Variants in NDUFS4 observed in about 807,000 individuals in gnomAD.
NDUFS4 encodes the protein NADH:ubiquinone oxidoreductase subunit S4, also known as NADH dehydrogenase [ubiquinone] iron-sulfur protein 4, mitochondrial.
Under a neutral mutation model 24.3 loss-of-function variants are expected in NDUFS4, and 28 were observed. The observed-to-expected ratio is 1.15, with a 90% CI of 0.85 to 1.58. NDUFS4 has a LOEUF of 1.58. Ranked by LOEUF, NDUFS4 falls within the 40% of genes most tolerant of loss-of-function variation. The pLI is 0.00. For synonymous variants in NDUFS4, 93 were observed against 69.7 expected (o/e 1.34, Z -1.67); for missense variants, 223 against 207.9 (o/e 1.07, Z -0.45).
intron 2 of NDUFS4, among the ~76,000 whole-genome samples, chr5:53,644,919 G>GTCAA (rs1399785381): frequency 6.6e-6 from 1 of 152,048 alleles, no homozygotes; most frequent in Non-Finnish European, 1.5e-5. Context: ...AGAGATAATA[G>GTCAA]TCAAGTCAGA....
At chr5:53,581,271 ACT>A (rs1749560246) in intron 1 of NDUFS4, among the ~76,000 whole-genome samples, 2 of 151,904 alleles carry the variant, frequency 1.3e-5, no homozygotes, top group Admixed American at 6.6e-5. Context: ...CATTTTCCTA[ACT>A]CTGAATCAAT....
At chr5:53,629,558 T>A (rs755817054) in intron 2 of NDUFS4, among the ~76,000 whole-genome samples, 1 of 152,216 alleles carries the variant, frequency 6.6e-6, no homozygotes, top group Non-Finnish European at 1.5e-5. Flanking sequence ...TGAATCTGGG[T>A]GCTCCTGTAT....
At chr5:53,635,234 A>G (rs1324560285) in intron 2 of NDUFS4, among the ~76,000 whole-genome samples, 2 of 151,244 alleles carry the variant, frequency 1.3e-5, no homozygotes, top group Non-Finnish European at 2.9e-5. Context: ...CAACCAAAAA[A>G]TCCATCCAGA....
At chr5:53,655,646 C>G (rs1228171350) in intron 3 of NDUFS4, among the ~76,000 whole-genome samples, 1 of 152,062 alleles carries the variant, frequency 6.6e-6, no homozygotes, top group African/African-American at 2.4e-5. Context: ...TAACAATAAT[C>G]TATTAATTAT....
chr5:53,563,236 C>CAAA (rs906204561), intron 1 of NDUFS4, among the ~76,000 whole-genome samples: 37 of 105,084 alleles, frequency 3.5e-4, no homozygotes, highest in Admixed American at 4.4e-4. Context: ...CTCAAAAAAA[C>CAAA]AAAAAAAAAA....
chr5:53,656,758 T>A (rs1246034947), intron 3 of NDUFS4, among the ~76,000 whole-genome samples: 1 of 151,776 alleles, frequency 6.6e-6, no homozygotes, highest in Non-Finnish European at 1.5e-5. Context: ...GGGCAGAGAG[T>A]GAGTTTGGGA....
intron 3 of NDUFS4, among the ~76,000 whole-genome samples, chr5:53,653,940 G>A (rs1018905773): frequency 1.3e-5 from 2 of 151,970 alleles, no homozygotes; most frequent in Admixed American, 6.6e-5. Flanking sequence ...TGTCTCTTTA[G>A]TTGTCATGGT....
intron 1 of NDUFS4, chr5:53,573,504 T>G (rs1749283442): frequency 2.3e-6 from 1 of 426,504 alleles, no homozygotes; most frequent in Admixed American, 2.7e-5. Flanking sequence ...GTGCAGATCC[T>G]GTATATGTTT....
At position 53,565,997 on chromosome 5, in the gene NDUFS4, C is replaced by T. The variant is rs148544860; in HGVS notation, c.98+5237C>T. On this transcript the variant is annotated intron_variant, in intron 1 of 4. Coordinates refer to ENST00000296684, the MANE Select transcript of NDUFS4 (RefSeq NM_002495.4). The stretch of plus-strand genomic sequence containing the variant: ...GACCAGCCTGGCCAACATGGTGAAA[C>T]CCCGTCTCCACTAAAAAATACAATA... 9.1e-3 allele frequency among the ~76,000 whole-genome samples: 1,384 copies of T among 151,950 alleles called. 17 individuals carry two copies. The highest frequency in any genetic ancestry group is 0.032 in the African/African-American group (1,310 of 41,426).
chr5:53,581,752 T>G (rs1359015139), intron 1 of NDUFS4, among the ~76,000 whole-genome samples: 2 of 152,100 alleles, frequency 1.3e-5, no homozygotes, highest in East Asian at 3.9e-4. Context: ...GTCTTAGAGC[T>G]CCCTCTCTTA....
intron 2 of NDUFS4, among the ~76,000 whole-genome samples, chr5:53,641,192 A>G (rs1318020787): frequency 1.3e-5 from 2 of 152,146 alleles, no homozygotes; most frequent in East Asian, 1.9e-4. Flanking sequence ...AACTGATTTC[A>G]TACATGATGA....
At position 53,574,298 on chromosome 5, in the gene NDUFS4, ATG is replaced by A. The variant is rs377218029; in HGVS notation, c.98+13542_98+13543del. ...TGCTAACAGTTTTCATCAAGAATGG[ATG>A]TGTCTAATGCCTTTTATGCATCAAT... On this transcript the variant is annotated intron_variant, in intron 1 of 4. Transcript: ENST00000296684. 8.1e-4 allele frequency among the ~76,000 whole-genome samples: 123 copies of A among 152,252 alleles called. 1 individual carries two copies. The East Asian group carries it at 0.019, about 24-fold the overall frequency.
At chr5:53,580,838 T>G (rs1448578041) in intron 1 of NDUFS4, among the ~76,000 whole-genome samples, 1 of 151,664 alleles carries the variant, frequency 6.6e-6, no homozygotes, top group African/African-American at 2.4e-5. Context: ...TTCTTTTCTT[T>G]CCTTCTTTCT....
At chr5:53,599,915 C>T (rs986159800) in intron 1 of NDUFS4, among the ~76,000 whole-genome samples, 4 of 152,020 alleles carry the variant, frequency 2.6e-5, no homozygotes, top group Non-Finnish European at 5.9e-5. Flanking sequence ...AATCAACAAA[C>T]AGATATTTAC....
At chr5:53,672,213 A>ATATC (rs1397153972) in intron 4 of NDUFS4, among the ~76,000 whole-genome samples, 10 of 151,956 alleles carry the variant, frequency 6.6e-5, no homozygotes, top group Admixed American at 4.6e-4. Context: ...TCACATCCAT[A>ATATC]TATCTTTTAA....
chr5:53,591,381 T>TAA (rs1749950011), intron 1 of NDUFS4, among the ~76,000 whole-genome samples: 1 of 149,366 alleles, frequency 6.7e-6, no homozygotes, highest in African/African-American at 2.5e-5. Context: ...TGTGTCATTT[T>TAA]ACATTCCCAC....
At chr5:53,664,826 C>T (rs1168779585) in intron 4 of NDUFS4, among the ~76,000 whole-genome samples, 2 of 152,220 alleles carry the variant, frequency 1.3e-5, no homozygotes, top group African/African-American at 2.4e-5. Flanking sequence ...CTTCTGTCAA[C>T]TCGTCAAAGT....
At chr5:53,618,901 C>T (rs1750938611) in intron 2 of NDUFS4, among the ~76,000 whole-genome samples, 1 of 150,252 alleles carries the variant, frequency 6.7e-6, no homozygotes, top group Non-Finnish European at 1.5e-5. Context: ...ATTGCCTGAG[C>T]TCAGGAGTTC....
chr5:53,640,946 G>A lies in NDUFS4; in HGVS notation c.178-5287G>A, dbSNP rs138617755. ...AGATGACAGAATCCCCTTAAAGACC[G>A]GGACCTTTATTACAAACTTCCCTGA... On this transcript the variant is annotated intron_variant, in intron 2 of 4. Coordinates refer to ENST00000296684, the MANE Select transcript of NDUFS4 (RefSeq NM_002495.4). Among the ~76,000 whole-genome samples the A allele has an allele frequency of 4.9e-3, 741 of 152,062 alleles. 5 individuals are homozygous for A. The highest frequency in any genetic ancestry group is 0.017 in the African/African-American group (709 of 41,478).
Sources: allele counts gnomAD v4.1 joint callset (sites outside exome capture counted in the v4.1 genomes callset), GRCh38; gene constraint gnomAD v4.1.1; transcripts MANE v1.5; gene names NCBI Gene and HGNC (gene_info 2026-07-23, HGNC 2026-07-21).